RAB39A: variants seen among roughly 807,000 people sequenced by gnomAD.
RAB39A encodes the protein RAB39A, member RAS oncogene family.
Under a neutral mutation model 20.9 loss-of-function variants are expected in RAB39A, and 17 were observed. That is an observed-to-expected ratio of 0.81 (90% CI 0.56 to 1.22). The LOEUF is 1.22. Ranked by LOEUF, RAB39A falls within the 50% of genes most tolerant of loss-of-function variation. RAB39A has a pLI of 0.00. For synonymous variants in RAB39A, 99 were observed against 103.4 expected, an observed-to-expected ratio of 0.96 and a Z score of 0.26; for missense variants, 234 against 270.5, an observed-to-expected ratio of 0.87 and a Z score of 0.95.
chr11:107,944,261 G>A (rs1462505539), intron 1 of RAB39A, among the ~76,000 whole-genome samples: 1 of 152,092 alleles, frequency 6.6e-6, no homozygotes, highest in Non-Finnish European at 1.5e-5. Context: ...GTAGATGAAT[G>A]TCAGACTGCA....
chr11:107,962,257 A>G lies in RAB39A; in HGVS notation c.539A>G (p.Lys180Arg), dbSNP rs764816095. The G allele has an allele frequency of 4.3e-6, 7 of 1,613,778 alleles. No homozygotes were observed. The highest frequency in any genetic ancestry group is 5.9e-6 in the Non-Finnish European group (7 of 1,179,970). ...ACGAGAGACATATATGAACTTATTA[A>G]AAAGGGAGAAATTTGTATTCAGGAT... ...ILTRDIYELI[K>R]KGEICIQDGW... Residue 180 changes from lysine (K) to arginine (R), a missense_variant, in exon 2 of 2, where the codon AAA becomes AGA. Physicochemically the swap from Lys to Arg is conservative, Grantham distance 26. Coordinates refer to ENST00000320578, the MANE Select transcript of RAB39A (RefSeq NM_017516.3).
chr11:107,954,987 C>CTTT (rs60838211), intron 1 of RAB39A, among the ~76,000 whole-genome samples: 6 of 54,860 alleles, frequency 1.1e-4, no homozygotes, highest in Non-Finnish European at 1.8e-4. Flanking sequence ...AGAAAGCATG[C>CTTT]TTTTTTTTTT....
At chr11:107,943,387 C>T (rs529986308) in intron 1 of RAB39A, among the ~76,000 whole-genome samples, 2 of 151,960 alleles carry the variant, frequency 1.3e-5, no homozygotes, top group Admixed American at 1.3e-4. Context: ...CTGGCTAACA[C>T]GGTGAAACCC....
intron 1 of RAB39A, among the ~76,000 whole-genome samples, chr11:107,950,883 G>A (rs185019934): frequency 1.1e-4 from 17 of 152,242 alleles, no homozygotes; most frequent in Non-Finnish European, 2.1e-4. Flanking sequence ...TTGCTACAGA[G>A]GAAAATAGAG....
chr11:107,938,359 CA>C (rs58613355), intron 1 of RAB39A, among the ~76,000 whole-genome samples: 247 of 63,344 alleles, frequency 3.9e-3, no homozygotes, highest in African/African-American at 0.014. Context: ...GACTCCGTCT[CA>C]AAAAAAAAAA....
intron 1 of RAB39A, among the ~76,000 whole-genome samples, chr11:107,929,741 T>C (rs867706153): frequency 3.3e-5 from 5 of 152,142 alleles, no homozygotes; most frequent in Admixed American, 2.0e-4. Flanking sequence ...TAAATGAAAT[T>C]ATATGCATTT....
chr11:107,936,950 A>G (rs1379329405), intron 1 of RAB39A, among the ~76,000 whole-genome samples: 1 of 151,812 alleles, frequency 6.6e-6, no homozygotes, highest in African/African-American at 2.4e-5. Context: ...AAAAAAAACA[A>G]ATGAAGAAAA....
intron 1 of RAB39A, among the ~76,000 whole-genome samples, chr11:107,946,394 A>ATGTG (rs1421648814): frequency 2.3e-4 from 9 of 38,434 alleles, no homozygotes; most frequent in South Asian, 1.3e-3. Flanking sequence ...GTGGGTGTAT[A>ATGTG]TATGTGTGTG....
intron 1 of RAB39A, among the ~76,000 whole-genome samples, chr11:107,951,849 A>T (rs1360029838): frequency 6.6e-6 from 1 of 152,072 alleles, no homozygotes; most frequent in Non-Finnish European, 1.5e-5. Flanking sequence ...TAACAACAGC[A>T]TCTTATCTTC....
intron 1 of RAB39A, among the ~76,000 whole-genome samples, chr11:107,942,074 G>A (rs1381503944): frequency 3.9e-5 from 5 of 127,208 alleles, no homozygotes; most frequent in African/African-American, 1.5e-4. Context: ...TCTGCAGCCT[G>A]GGCAACAGAG....
At chr11:107,938,351 C>T (rs1290558694) in intron 1 of RAB39A, among the ~76,000 whole-genome samples, 4 of 124,318 alleles carry the variant, frequency 3.2e-5, no homozygotes. Context: ...TAGAGCAAGA[C>T]TCCGTCTCAA....
At chr11:107,930,045 C>G (rs1249272888) in intron 1 of RAB39A, among the ~76,000 whole-genome samples, 1 of 152,124 alleles carries the variant, frequency 6.6e-6, no homozygotes, top group African/African-American at 2.4e-5. Flanking sequence ...GTCCAACATT[C>G]AAAGTTTTGG....
At chr11:107,930,251 C>A (rs1861122314) in intron 1 of RAB39A, among the ~76,000 whole-genome samples, 1 of 152,118 alleles carries the variant, frequency 6.6e-6, no homozygotes, top group Non-Finnish European at 1.5e-5. Flanking sequence ...CAAGAAGCCT[C>A]CTTTTATTAA....
At chr11:107,931,680 A>G (rs1861138500) in intron 1 of RAB39A, among the ~76,000 whole-genome samples, 1 of 152,170 alleles carries the variant, frequency 6.6e-6, no homozygotes, top group Non-Finnish European at 1.5e-5. Flanking sequence ...TCATAATCAT[A>G]TCATGAAGAA....
chr11:107,954,163 G>A (rs908235192), intron 1 of RAB39A, among the ~76,000 whole-genome samples: 3 of 152,100 alleles, frequency 2.0e-5, no homozygotes, highest in African/African-American at 2.4e-5. Context: ...TCAGGATGTC[G>A]GTAGCTACTG....
chr11:107,947,409 G>T (rs1861330243), intron 1 of RAB39A, among the ~76,000 whole-genome samples: 1 of 152,106 alleles, frequency 6.6e-6, no homozygotes, highest in Non-Finnish European at 1.5e-5. Context: ...GCCTGGCCAA[G>T]ATGATTTTTC....
At chr11:107,946,396 A>ATGTGTGTGTGTGTG (rs71047654) in intron 1 of RAB39A, among the ~76,000 whole-genome samples, 8 of 37,632 alleles carry the variant, frequency 2.1e-4, no homozygotes, top group African/African-American at 9.7e-4. Flanking sequence ...GGGTGTATAT[A>ATGTGTGTGTGTGTG]TGTGTGTGTG....
chr11:107,934,465 T>C (rs1312128688), intron 1 of RAB39A, among the ~76,000 whole-genome samples: 1 of 152,052 alleles, frequency 6.6e-6, no homozygotes, highest in Non-Finnish European at 1.5e-5. Flanking sequence ...CTATGATAAC[T>C]GGTGCTCTAA....
chr11:107,962,372 A>G lies in RAB39A; in HGVS notation c.654A>G (p.Ter218TrpextTer5). The G allele has an allele frequency of 6.3e-7, 1 of 1,591,164 alleles. No individual in the cohort carries two copies. The highest frequency in any genetic ancestry group is 1.1e-5 in the South Asian group (1 of 88,316). The stretch of plus-strand genomic sequence containing the variant: ...AGCCCAGGAAAGAATGCTTCTGCTG[A>G]CTTCAAACATGCTGAAGAACTAACA... ...AVKPRKECFC[*>W] The change falls in exon 2 of 2, where the codon TGA becomes TGG. Residue 218 changes from the stop codon to tryptophan, a stop_lost. Transcript: ENST00000320578.
Sources: allele counts gnomAD v4.1 joint callset (sites outside exome capture counted in the v4.1 genomes callset), GRCh38; gene constraint gnomAD v4.1.1; transcripts MANE v1.5; gene names NCBI Gene and HGNC (gene_info 2026-07-23, HGNC 2026-07-21).